Variants in PDE4D observed in about 807,000 individuals in gnomAD.
PDE4D encodes the protein 3',5'-cyclic-AMP phosphodiesterase 4D.
A neutral mutation model predicts 87.4 loss-of-function variants in PDE4D; 24 were observed. That is an observed-to-expected ratio of 0.27 (90% CI 0.20 to 0.39). The LOEUF is 0.39. Ranked by LOEUF, PDE4D falls within the 10% of genes least tolerant of loss-of-function variation. PDE4D has a pLI of 1.00. For missense variants in PDE4D, 714 were observed against 1,041.0 expected, an observed-to-expected ratio of 0.69 and a Z score of 4.32; for synonymous variants, 384 against 383.2, an observed-to-expected ratio of 1.00 and a Z score of -0.02.
chr5:59,949,541 A>G (rs1004223013), intron 3 of PDE4D, among the ~76,000 whole-genome samples: 1 of 152,108 alleles, frequency 6.6e-6, no homozygotes, highest in African/African-American at 2.4e-5. Context: ...ATGAGACATG[A>G]TAAGTAGACA....
chr5:59,219,104 T>G, intron 1 of PDE4D, among the ~76,000 whole-genome samples: 1 of 146,396 alleles, frequency 6.8e-6, no homozygotes. Context: ...AGATGACGAG[T>G]TAGTGGGTGC....
intron 1 of PDE4D, among the ~76,000 whole-genome samples, chr5:59,348,614 A>C (rs1582092880): frequency 7.6e-6 from 1 of 131,540 alleles, no homozygotes; most frequent in African/African-American, 2.9e-5. Context: ...TTAAAGCTTC[A>C]CTTCAAAGCT....
In PDE4D at chr5:60,203,559, C is replaced by A. The variant is rs755916322; in HGVS notation, c.-89-17872G>T. 1.4e-4 allele frequency among the ~76,000 whole-genome samples: 21 copies of A among 152,088 alleles called. 1 individual carries two copies. Among genetic ancestry groups the A allele is most frequent in the Non-Finnish European group, 2.8e-4 (19 of 68,020 alleles). On this transcript the variant is annotated intron_variant, in intron 1 of 16. Coordinates refer to the PDE4D transcript ENST00000502484. ...TGGCTTTTCTCCTTTAATTTCTGTGCCTAATGTAATCTAATTTTTCTACAG... is the reference window on the plus strand; with the variant it reads ...TGGCTTTTCTCCTTTAATTTCTGTGACTAATGTAATCTAATTTTTCTACAG...
chr5:59,855,679 A>G (rs1418973195), intron 1 of PDE4D, among the ~76,000 whole-genome samples: 1 of 152,276 alleles, frequency 6.6e-6, no homozygotes, highest in South Asian at 2.1e-4. Context: ...TCATAATTTT[A>G]TATCCTCAAT....
In PDE4D at chr5:60,234,099, C is replaced by T. The variant is rs1423870396; in HGVS notation, c.-89-48412G>A. ...AAAACAACAGGTCCATTAACAATCA[C>T]TCCCTCTTGTCCCAAACCTCCCAGC... On this transcript the variant is annotated intron_variant, in intron 1 of 16. Coordinates refer to the PDE4D transcript ENST00000502484. Among the ~76,000 whole-genome samples, 3 of 151,920 alleles carry T rather than the reference C, an allele frequency of 2.0e-5. No homozygotes were observed. The East Asian group carries it at 5.8e-4, about 29-fold the overall frequency.
At chr5:60,330,598 A>G (rs1440113185) in intron 1 of PDE4D, among the ~76,000 whole-genome samples, 1 of 152,208 alleles carries the variant, frequency 6.6e-6, no homozygotes, top group Non-Finnish European at 1.5e-5. Flanking sequence ...CCAGACAAGC[A>G]GGGCCGCACC....
intron 1 of PDE4D, among the ~76,000 whole-genome samples, chr5:59,372,600 T>C (rs949794615): frequency 2.0e-5 from 3 of 152,250 alleles, no homozygotes; most frequent in Admixed American, 2.0e-4. Flanking sequence ...CTCCTGCTTG[T>C]GGGGCACAGA....
At chr5:59,822,223 A>G (rs756409344) in intron 1 of PDE4D, among the ~76,000 whole-genome samples, 4 of 152,160 alleles carry the variant, frequency 2.6e-5, no homozygotes, top group Non-Finnish European at 5.9e-5. Context: ...TTTATACTCA[A>G]AGAATTAGAG....
At chr5:59,190,719 T>C (rs1018172093) in intron 3 of PDE4D, among the ~76,000 whole-genome samples, 1 of 152,142 alleles carries the variant, frequency 6.6e-6, no homozygotes, top group Non-Finnish European at 1.5e-5. Flanking sequence ...AACATGCCAA[T>C]CATGTCCAAC....
intron 1 of PDE4D, among the ~76,000 whole-genome samples, chr5:59,862,097 A>G (rs571654993): frequency 3.2e-4 from 48 of 151,994 alleles, no homozygotes; most frequent in Non-Finnish European, 6.2e-4. Context: ...GAGCATCCCA[A>G]ATGCAGTCTC....
chr5:59,090,556 T>C (rs73097093), intron 5 of PDE4D, among the ~76,000 whole-genome samples: 402 of 152,220 alleles, frequency 2.6e-3, no homozygotes, highest in African/African-American at 9.4e-3. Context: ...CATACTGGCA[T>C]GAGAAACGCT....
rs78434625 is a variant in PDE4D at position 59,977,091 on chromosome 5, G to A, written c.272+11397C>T. Among the ~76,000 whole-genome samples, 336 of 152,298 alleles carry A rather than the reference G, an allele frequency of 2.2e-3. 6 individuals carry two copies. Among genetic ancestry groups the A allele is most frequent in the Admixed American group, 0.018 (277 of 15,292 alleles). On this transcript the variant is annotated intron_variant, in intron 3 of 16. Coordinates refer to the PDE4D transcript ENST00000502484. The stretch of plus-strand genomic sequence containing the variant: ...ATGGCCTATAAGTGTTCAAGTGAAA[G>A]GAAGAGTTACAGGTCTCTCGCATTA...
At chr5:60,281,657 CA>C (rs1245022781) in intron 1 of PDE4D, among the ~76,000 whole-genome samples, 1 of 151,466 alleles carries the variant, frequency 6.6e-6, no homozygotes, top group Admixed American at 6.6e-5. Context: ...AAAAATTAAG[CA>C]AAAGAAATGT....
chr5:60,040,806 A>G (rs1240959964), intron 2 of PDE4D, among the ~76,000 whole-genome samples: 1 of 152,158 alleles, frequency 6.6e-6, no homozygotes, highest in Non-Finnish European at 1.5e-5. Flanking sequence ...ATTACCCTAA[A>G]TGTTAATTCT....
At chr5:60,345,436 T>G (rs1257313515) in intron 1 of PDE4D, among the ~76,000 whole-genome samples, 1 of 145,862 alleles carries the variant, frequency 6.9e-6, no homozygotes, top group Non-Finnish European at 1.5e-5. Context: ...CCCTAGAACG[T>G]AAAGTATAAT....
At chr5:60,281,687 G>C (rs1295024493) in intron 1 of PDE4D, among the ~76,000 whole-genome samples, 2 of 151,926 alleles carry the variant, frequency 1.3e-5, no homozygotes, top group African/African-American at 2.4e-5. Flanking sequence ...AACTTACTTA[G>C]TTAATAATAA....
At chr5:60,165,919 TG>T (rs1782849363) in intron 2 of PDE4D, among the ~76,000 whole-genome samples, 1 of 151,900 alleles carries the variant, frequency 6.6e-6, no homozygotes, top group Non-Finnish European at 1.5e-5. Flanking sequence ...TTTTGTTCAC[TG>T]TTTTCTAGTT....
chr5:59,168,092 A>G (rs1381444705), intron 5 of PDE4D, among the ~76,000 whole-genome samples: 1 of 152,088 alleles, frequency 6.6e-6, no homozygotes, highest in African/African-American at 2.4e-5. Flanking sequence ...ACAAAACAAA[A>G]CAAAAATACA....
At chr5:60,436,994 T>C (rs554841360) in intron 1 of PDE4D, among the ~76,000 whole-genome samples, 5 of 152,242 alleles carry the variant, frequency 3.3e-5, no homozygotes, top group Admixed American at 1.3e-4. Flanking sequence ...GGTTTGGAGC[T>C]AGAGGTCTTG....
Sources: allele counts gnomAD v4.1 joint callset (sites outside exome capture counted in the v4.1 genomes callset), GRCh38; gene constraint gnomAD v4.1.1; transcripts MANE v1.5; gene names NCBI Gene and HGNC (gene_info 2026-07-23, HGNC 2026-07-21).